Variants in ULK4 observed in about 807,000 individuals in gnomAD.
ULK4 encodes inactive serine/threonine-protein kinase ULK4.
ULK4 carries 133 observed loss-of-function variants against 160.6 expected under a neutral mutation model. The ratio of observed to expected loss-of-function variants is 0.83; its 90% confidence interval spans 0.72 to 0.96. ULK4 has a LOEUF of 0.96. Ranked by LOEUF, ULK4 falls within the 40% of genes least tolerant of loss-of-function variation. The pLI is 0.00. For synonymous variants in ULK4, 534 were observed against 539.8 expected (o/e 0.99, Z 0.15); for missense variants, 1,580 against 1,499.5 (o/e 1.05, Z -0.89).
chr3:41,808,891 G>A (rs529744203), intron 19 of ULK4, among the ~76,000 whole-genome samples: 32 of 152,254 alleles, frequency 2.1e-4, no homozygotes, highest in African/African-American at 7.0e-4. Context: ...GCTGCCAGCC[G>A]GGTGAGGTGG....
At chr3:41,423,542 T>C (rs2082706723) in intron 34 of ULK4, among the ~76,000 whole-genome samples, 1 of 152,056 alleles carries the variant, frequency 6.6e-6, no homozygotes, top group Admixed American at 6.6e-5. Context: ...CTTGAAAATT[T>C]GGCTTTTTGG....
At chr3:41,683,233 C>G (rs9826200) in intron 27 of ULK4, among the ~76,000 whole-genome samples, 20,216 of 152,034 alleles carry the variant, frequency 0.13, 3,255 homozygotes, top group African/African-American at 0.38. Context: ...ACTGGCCTTA[C>G]GAGACCCAAA....
chr3:41,395,702 G>C (rs2082045173), intron 35 of ULK4, among the ~76,000 whole-genome samples: 1 of 152,132 alleles, frequency 6.6e-6, no homozygotes, highest in African/African-American at 2.4e-5. Context: ...ATGGATAATA[G>C]TGATGGTTGC....
At chr3:41,445,247 T>C (rs2083270477) in intron 34 of ULK4, among the ~76,000 whole-genome samples, 1 of 152,090 alleles carries the variant, frequency 6.6e-6, no homozygotes, top group Admixed American at 6.6e-5. Flanking sequence ...TGGAAGAACA[T>C]TCCATGCTCA....
intron 34 of ULK4, among the ~76,000 whole-genome samples, chr3:41,430,356 G>A (rs13069584): frequency 0.11 from 16,020 of 152,174 alleles, 998 homozygotes; most frequent in Admixed American, 0.15. Flanking sequence ...CATTTATTCA[G>A]AGACTGATCC....
chr3:41,547,190 A>C (rs1456329682), intron 32 of ULK4, among the ~76,000 whole-genome samples: 1 of 152,200 alleles, frequency 6.6e-6, no homozygotes, highest in Admixed American at 6.5e-5. Context: ...AAAAAGTAGA[A>C]ATGGTACTCC....
At position 41,914,595 on chromosome 3, in the gene ULK4, C is replaced by G. The variant is rs201924072; in HGVS notation, c.803+1382G>C. Among the ~76,000 whole-genome samples the G allele has an allele frequency of 2.0e-4, 31 of 152,170 alleles. No homozygotes were observed. In the East Asian group the frequency reaches 5.2e-3, roughly 26 times the overall value. On this transcript the variant is annotated intron_variant, in intron 8 of 36. Coordinates refer to ENST00000301831, the MANE Select transcript of ULK4 (RefSeq NM_017886.4). The stretch of plus-strand genomic sequence containing the variant: ...TCAAAGAGATAACTAACCAAGTAAA[C>G]CCAAAAAAATTTTAAAAATTCACAA...
At chr3:41,925,344 G>C (rs1699341320) in intron 5 of ULK4, among the ~76,000 whole-genome samples, 2 of 152,284 alleles carry the variant, frequency 1.3e-5, no homozygotes, top group Non-Finnish European at 2.9e-5. Flanking sequence ...ATGATGGACT[G>C]TGCCGTGAGG....
At chr3:41,264,691 C>T (rs150697522) in intron 35 of ULK4, among the ~76,000 whole-genome samples, 120 of 152,294 alleles carry the variant, frequency 7.9e-4, no homozygotes, top group East Asian at 7.3e-3. Context: ...TACATATTCT[C>T]TGATTTGGAA....
intron 5 of ULK4, among the ~76,000 whole-genome samples, chr3:41,927,114 C>G (rs1699412964): frequency 6.6e-6 from 1 of 152,132 alleles, no homozygotes; most frequent in Non-Finnish European, 1.5e-5. Flanking sequence ...GTTGGGTTAC[C>G]CGCAAAGGGA....
chr3:41,571,693 T>A (rs999149957), intron 31 of ULK4, among the ~76,000 whole-genome samples: 1 of 152,172 alleles, frequency 6.6e-6, no homozygotes, highest in African/African-American at 2.4e-5. Context: ...TAAAGACTAT[T>A]TCATCATTAG....
chr3:41,643,588 A>T (rs1487760076), intron 30 of ULK4, among the ~76,000 whole-genome samples: 1 of 152,148 alleles, frequency 6.6e-6, no homozygotes, highest in Non-Finnish European at 1.5e-5. Context: ...TGTTTTGGTT[A>T]CTGTAGCCTT....
chr3:41,443,592 T>C lies in ULK4; in HGVS notation c.3492+11905A>G, dbSNP rs571898927. On this transcript the variant is annotated intron_variant, in intron 34 of 36. Transcript: ENST00000301831. ...GTAATTACTTCCAGTTAACATACCA[T>C]GGTAACTAAACTTTGGACCATGTTG... Among the ~76,000 whole-genome samples, 21 of 152,254 alleles carry C rather than the reference T, an allele frequency of 1.4e-4. 1 individual carries two copies. The East Asian group carries it at 3.3e-3, about 24-fold the overall frequency.
In ULK4 at chr3:41,935,880, T is replaced by A; in HGVS notation, c.299A>T (p.Glu100Val). 1 of 1,613,948 alleles carries A rather than the reference T, an allele frequency of 6.2e-7. No homozygotes were observed. Among genetic ancestry groups the A allele is most frequent in the Admixed American group, 1.7e-5 (1 of 59,992 alleles). ...TCCACTAATCAGGTCAATTCCAAAT[T>A]CTCTCACAACATCTTCTGGGAGGTT... ...DENLPEDVVR[E>V]FGIDLISGLH... The change falls in exon 4 of 37, where the codon GAA (glutamate) becomes GTA (valine). Residue 100 changes from glutamate to valine, a missense_variant. Coordinates refer to ENST00000301831, the MANE Select transcript of ULK4 (RefSeq NM_017886.4).
At chr3:41,587,478 C>G (rs540962367) in intron 31 of ULK4, among the ~76,000 whole-genome samples, 257 of 152,250 alleles carry the variant, frequency 1.7e-3, no homozygotes, top group Admixed American at 2.7e-3. Context: ...GACTGCCAGA[C>G]TGATAAAATG....
At chr3:41,301,334 G>A (rs1171890066) in intron 35 of ULK4, among the ~76,000 whole-genome samples, 2 of 151,858 alleles carry the variant, frequency 1.3e-5, no homozygotes, top group South Asian at 2.1e-4. Context: ...AAGATTAGGG[G>A]AAATGTGCAT....
intron 35 of ULK4, among the ~76,000 whole-genome samples, chr3:41,359,575 TG>T (rs1235290514): frequency 6.6e-6 from 1 of 152,184 alleles, no homozygotes; most frequent in Non-Finnish European, 1.5e-5. Context: ...GACTAAGAAC[TG>T]ATCATTCACT....
chr3:41,646,392 T>C (rs552128965), intron 30 of ULK4, among the ~76,000 whole-genome samples: 1 of 152,344 alleles, frequency 6.6e-6, no homozygotes, highest in African/African-American at 2.4e-5. Context: ...GGCCTGGTGG[T>C]GACAAAACCT....
chr3:41,401,225 A>AGACT (rs1450047961), intron 34 of ULK4, among the ~76,000 whole-genome samples: 3 of 152,164 alleles, frequency 2.0e-5, no homozygotes, highest in African/African-American at 7.2e-5. Context: ...CGTGTCCTGA[A>AGACT]GACTTTCTCC....
Sources: gnomAD v4.1 joint callset for allele counts (sites outside exome capture counted in the v4.1 genomes callset) on GRCh38, gnomAD v4.1.1 for gene constraint, MANE v1.5 for transcripts, NCBI Gene and HGNC (gene_info 2026-07-23, HGNC 2026-07-21) for gene names.